The following ZNF251 variants were observed in gnomAD, a reference collection of about 807,000 sequenced individuals.
ZNF251 encodes zinc finger protein 251.
ZNF251 carries 14 observed loss-of-function variants against 13.5 expected under a neutral mutation model. The observed-to-expected ratio is 1.04, with a 90% confidence interval of 0.69 to 1.63. The LOEUF is 1.63. Ranked by LOEUF, ZNF251 falls within the 40% of genes most tolerant of loss-of-function variation. The pLI is 0.00. For missense variants in ZNF251, 764 were observed against 834.9 expected (o/e 0.92, Z 1.05); for synonymous variants, 287 against 295.2 (o/e 0.97, Z 0.28).
chr8:144,731,535 T>C (rs1285790846), intron 4 of ZNF251, among the ~76,000 whole-genome samples: 1 of 152,136 alleles, frequency 6.6e-6, no homozygotes, highest in Non-Finnish European at 1.5e-5. Flanking sequence ...TAATGACACA[T>C]ATGTATTTAA....
chr8:144,722,935 C>T lies in ZNF251; in HGVS notation c.725G>A (p.Cys242Tyr), dbSNP rs1823413705. 6.2e-7 allele frequency: 1 copy of T among 1,613,904 alleles called. No homozygotes were observed. The change falls in exon 5 of 5, where the codon TGT (cysteine) becomes TAT (tyrosine). Residue 242 changes from cysteine to tyrosine, a missense_variant. By Grantham distance (194) the Cys-to-Tyr change is radical. Coordinates refer to ENST00000292562, the MANE Select transcript of ZNF251 (RefSeq NM_138367.2). The surrounding 1 kb of genome is among the most constrained non-coding windows in gnomAD (Gnocchi z 4.8). ...TGAGCTGTGAGTAAAGGCTCGCCCA[C>T]ACCGGCCACATTCGTACGGCTTCTC... ...TGEKPYECGRCGRAFTHSSNL... is the reference protein window; with the variant it reads ...TGEKPYECGRYGRAFTHSSNL...
chr8:144,724,071 G>A (rs1339033929), intron 4 of ZNF251, among the ~76,000 whole-genome samples: 5 of 151,870 alleles, frequency 3.3e-5, no homozygotes, highest in African/African-American at 4.8e-5. Flanking sequence ...GTGAAACCCC[G>A]TCTCTACTAA....
At chr8:144,754,380 A>C in intron 2 of ZNF251, 59 bp from the exon 3 acceptor site, 1 of 1,511,766 alleles carries the variant, frequency 6.6e-7, no homozygotes, top group Non-Finnish European at 8.9e-7. Flanking sequence ...CCTGCACTAA[A>C]AGGGCCCTGA....
At position 144,755,398 on chromosome 8, in the gene ZNF251, G is replaced by A. The variant is rs1824917003; in HGVS notation, c.-76+7C>T. The A allele has an allele frequency of 7.8e-7, 1 of 1,288,270 alleles. No homozygotes were observed. Among genetic ancestry groups the A allele is most frequent in the Non-Finnish European group, 1.0e-6 (1 of 988,820 alleles). The allele number at this position is 1,288,270 out of a possible 1,614,324, so 79.8% of individuals were successfully genotyped here. On this transcript the variant is annotated splice_region_variant and intron_variant, in intron 1 of 4. Coordinates refer to ENST00000292562, the MANE Select transcript of ZNF251 (RefSeq NM_138367.2). ...TGGCGCTCCTTCCTGGTCCGACACT[G>A]CCCCACCTGTTTGCTCGACCCGGGG... is the stretch of plus-strand genomic sequence containing the variant.
intron 4 of ZNF251, among the ~76,000 whole-genome samples, chr8:144,750,944 A>C (rs1043026687): frequency 1.3e-5 from 2 of 148,306 alleles, no homozygotes; most frequent in African/African-American, 5.0e-5. Flanking sequence ...TTACCTCCTG[A>C]GTTTCAGCGA....
chr8:144,725,438 G>C (rs1005019729), intron 4 of ZNF251, among the ~76,000 whole-genome samples: 1 of 151,934 alleles, frequency 6.6e-6, no homozygotes, highest in Non-Finnish European at 1.5e-5. Context: ...CTACAGGTGT[G>C]CACCACCTGT....
chr8:144,732,562 C>T (rs554510849), intron 4 of ZNF251, among the ~76,000 whole-genome samples: 1 of 152,206 alleles, frequency 6.6e-6, no homozygotes, highest in South Asian at 2.1e-4. Flanking sequence ...CCTGTAATCC[C>T]AGCACTTGGG....
At chr8:144,727,225 T>C (rs1376387164) in intron 4 of ZNF251, among the ~76,000 whole-genome samples, 1 of 152,178 alleles carries the variant, frequency 6.6e-6, no homozygotes, top group African/African-American at 2.4e-5. Flanking sequence ...TGTTTCCTAA[T>C]CTGTGCCGGT....
intron 4 of ZNF251, among the ~76,000 whole-genome samples, chr8:144,732,560 C>T (rs917245229): frequency 9.2e-5 from 14 of 152,140 alleles, no homozygotes; most frequent in Non-Finnish European, 1.3e-4. Flanking sequence ...CGCCTGTAAT[C>T]CCAGCACTTG....
intron 4 of ZNF251, among the ~76,000 whole-genome samples, chr8:144,744,989 G>C (rs150926408): frequency 1.3e-5 from 2 of 152,290 alleles, no homozygotes; most frequent in African/African-American, 4.8e-5. Flanking sequence ...CCAGGAGGTG[G>C]AGGTTGCAGT....
chr8:144,755,337 C>T, intron 1 of ZNF251, 68 bp downstream of exon 1: 1 of 1,255,102 alleles, frequency 8.0e-7, no homozygotes, highest in Admixed American at 2.3e-5. Context: ...CGCCTCCCCG[C>T]GCCCTCCCCG....
At position 144,744,009 on chromosome 8, in the gene ZNF251, C is replaced by CTTTTTT. The variant is rs1168495446; in HGVS notation, c.277+9668_277+9673dup. Among the ~76,000 whole-genome samples the CTTTTTT allele has an allele frequency of 1.8e-4, 16 of 88,818 alleles. 1 individual carries two copies. Among genetic ancestry groups the CTTTTTT allele is most frequent in the East Asian group, 2.7e-4 (1 of 3,744 alleles). 58.3% of individuals were successfully genotyped at this position (88,818 alleles called of 152,430 possible). A position where few individuals can be genotyped will look rare whatever the true frequency, so the allele number is the denominator to read the frequency against. On this transcript the variant is annotated intron_variant, in intron 4 of 4. Coordinates refer to ENST00000292562, the MANE Select transcript of ZNF251 (RefSeq NM_138367.2). The stretch of plus-strand genomic sequence containing the variant: ...GGACTGTTTCTCATTCTCTCGTTGT[C>CTTTTTT]TTTTTTTTTTTTTTTTTTTTTGGAG...
At position 144,732,104 on chromosome 8, in the gene ZNF251, G is replaced by C. The variant is rs138871279; in HGVS notation, c.278-8722C>G. On this transcript the variant is annotated intron_variant, in intron 4 of 4. Transcript: ENST00000292562. ...ACTACAGGCATGTGCCACCACGCCT[G>C]GCTAATTTTTTTATTTTTTTGTAAA... Among the ~76,000 whole-genome samples the C allele has an allele frequency of 5.3e-3, 811 of 151,988 alleles. 7 individuals carry two copies. The highest frequency in any genetic ancestry group is 0.018 in the African/African-American group (762 of 41,454).
At chr8:144,755,058 C>T (rs1195309581) in intron 1 of ZNF251, 10 of 1,330,294 alleles carry the variant, frequency 7.5e-6, no homozygotes, top group Middle Eastern at 2.9e-4. Context: ...CTGCTGAAGG[C>T]CCTGGAAATG....
rs541553468 is a variant in ZNF251 at position 144,727,439 on chromosome 8, T to C, written c.278-4057A>G. On this transcript the variant is annotated intron_variant, in intron 4 of 4. Transcript: ENST00000292562. ...AATCTATTATTCAGTGTAGCCACCT[T>C]CATCAATCATCTTAGCTAGGTCTTC... is the stretch of plus-strand genomic sequence containing the variant. Among the ~76,000 whole-genome samples the C allele has an allele frequency of 3.9e-4, 60 of 152,332 alleles. 1 individual carries two copies. The highest frequency in any genetic ancestry group is 6.8e-3 in the Middle Eastern group (2 of 294).
At position 144,734,193 on chromosome 8, in the gene ZNF251, C is replaced by T. The variant is rs1017433238; in HGVS notation, c.278-10811G>A. Among the ~76,000 whole-genome samples the T allele has an allele frequency of 2.0e-5, 3 of 152,200 alleles. No individual in the cohort carries two copies. The highest frequency in any genetic ancestry group is 2.9e-5 in the Non-Finnish European group (2 of 68,038). ...TCCTTTGTCCCAGCGCTGAGCCGAGCGGAGCTCCTGGCTGTAAGGACACCT... is the reference window on the plus strand; with the variant it reads ...TCCTTTGTCCCAGCGCTGAGCCGAGTGGAGCTCCTGGCTGTAAGGACACCT... On this transcript the variant is annotated intron_variant, in intron 4 of 4. Coordinates refer to ENST00000292562, the MANE Select transcript of ZNF251 (RefSeq NM_138367.2). This position sits in a 1 kb window ranked among gnomAD's most constrained non-coding sequence, Gnocchi z 4.4.
At chr8:144,755,201 G>A (rs1245633922) in intron 1 of ZNF251, 4 of 1,169,802 alleles carry the variant, frequency 3.4e-6, no homozygotes, top group Admixed American at 4.0e-5. Context: ...CCGGGGAGAG[G>A]CCGGAAGCCA....
chr8:144,721,911 T>G lies in ZNF251; in HGVS notation c.1749A>C (p.Glu583Asp). ...TTTCCCCAGCATGCATTATCTGATC[T>G]TCAGTGGGTCGTGAGGTGGGACTGA... ...KAFSPTSRPT[E>D]DQIMHAGEKP... is the part of the protein sequence containing the mutation. The change falls in exon 5 of 5, where the codon GAA (glutamate) becomes GAC (aspartate). Residue 583 changes from glutamate (E) to aspartate (D), a missense_variant. Physicochemically the swap from Glu to Asp is conservative, Grantham distance 45. Coordinates refer to ENST00000292562, the MANE Select transcript of ZNF251 (RefSeq NM_138367.2). The G allele has an allele frequency of 6.6e-7, 1 of 1,507,920 alleles. No homozygotes were observed. Among genetic ancestry groups the G allele is most frequent in the Non-Finnish European group, 8.9e-7 (1 of 1,127,862 alleles). The allele number at this position is 1,507,920 out of a possible 1,614,324, so 93.4% of individuals were successfully genotyped here.
chr8:144,733,849 A>G (rs191395395), intron 4 of ZNF251, among the ~76,000 whole-genome samples: 131 of 152,346 alleles, frequency 8.6e-4, no homozygotes, highest in Non-Finnish European at 1.5e-3. Context: ...GAAAAAAAGA[A>G]AAAACCCTGG....
Sources: allele counts gnomAD v4.1 joint callset (sites outside exome capture counted in the v4.1 genomes callset), GRCh38; gene constraint gnomAD v4.1.1; non-coding constraint Gnocchi (gnomAD v3.1); transcripts MANE v1.5; gene names NCBI Gene and HGNC (gene_info 2026-07-23, HGNC 2026-07-21).